The following SLC35F1 variants were observed in gnomAD, a reference collection of about 807,000 sequenced individuals.
SLC35F1 encodes solute carrier family 35 member F1.
A neutral mutation model predicts 48.7 loss-of-function variants in SLC35F1; 14 were observed. The ratio of observed to expected loss-of-function variants is 0.29; its 90% CI spans 0.19 to 0.45. The LOEUF (loss-of-function observed/expected upper bound fraction) is 0.45. SLC35F1 is among the 20% of genes least tolerant of loss of function. The pLI is 1.00. For synonymous variants in SLC35F1, 190 were observed against 202.2 expected, an observed-to-expected ratio of 0.94 and a Z score of 0.51; for missense variants, 404 against 500.0, an observed-to-expected ratio of 0.81 and a Z score of 1.83.
intron 1 of SLC35F1, among the ~76,000 whole-genome samples, chr6:118,012,631 T>C (rs369178224): frequency 6.6e-6 from 1 of 152,196 alleles, no homozygotes; most frequent in African/African-American, 2.4e-5. Context: ...TGCTTCACTT[T>C]ATTTGCTTTC....
chr6:118,286,889 G>A (rs752287697), intron 7 of SLC35F1, among the ~76,000 whole-genome samples: 4 of 151,804 alleles, frequency 2.6e-5, no homozygotes, highest in Admixed American at 6.6e-5. Context: ...TCATCACCAT[G>A]CTGTATGTTA....
At chr6:117,923,902 A>ATG (rs768387646) in intron 1 of SLC35F1, among the ~76,000 whole-genome samples, 11 of 149,842 alleles carry the variant, frequency 7.3e-5, no homozygotes, top group Non-Finnish European at 1.5e-4. Flanking sequence ...ATACACATAT[A>ATG]TGTGTGTGTA....
intron 7 of SLC35F1, among the ~76,000 whole-genome samples, chr6:118,293,191 C>T (rs948624165): frequency 1.3e-5 from 2 of 152,142 alleles, no homozygotes; most frequent in African/African-American, 4.8e-5. Flanking sequence ...AACAAATTAC[C>T]ACAAATTTAG....
chr6:118,024,844 T>C (rs1239908931), intron 1 of SLC35F1, among the ~76,000 whole-genome samples: 1 of 152,170 alleles, frequency 6.6e-6, no homozygotes, highest in East Asian at 1.9e-4. Flanking sequence ...TCTTTATCTA[T>C]AGGGAGAATC....
chr6:118,256,979 G>T lies in SLC35F1; in HGVS notation c.478-10016G>T, dbSNP rs75186614. 4.0e-3 allele frequency among the ~76,000 whole-genome samples: 614 copies of T among 152,154 alleles called. 3 individuals carry two copies. The highest frequency in any genetic ancestry group is 0.014 in the African/African-American group (578 of 41,500). ...ATTTTCTCCATCCAGAAATTTTTAT[G>T]CCTAATACTATGATATGTAGATGTG... On this transcript the variant is annotated intron_variant, in intron 3 of 7. Transcript: ENST00000360388.
At chr6:118,256,787 A>T (rs1222296901) in intron 3 of SLC35F1, among the ~76,000 whole-genome samples, 3 of 152,172 alleles carry the variant, frequency 2.0e-5, no homozygotes, top group African/African-American at 7.2e-5. Context: ...TAAACCCATC[A>T]TAAGTTGAAA....
chr6:118,119,494 G>GCCA (rs1773522154), intron 1 of SLC35F1, among the ~76,000 whole-genome samples: 1 of 52,192 alleles, frequency 1.9e-5, no homozygotes, highest in Non-Finnish European at 4.1e-5. Context: ...AATAACCGGC[G>GCCA]CCCCCCCTCC....
chr6:117,933,941 C>A (rs999494162), intron 1 of SLC35F1, among the ~76,000 whole-genome samples: 1 of 151,930 alleles, frequency 6.6e-6, no homozygotes, highest in Non-Finnish European at 1.5e-5. Flanking sequence ...AAAGTGGAAT[C>A]AGTGGACCAC....
At chr6:118,043,997 G>A (rs539823861) in intron 1 of SLC35F1, among the ~76,000 whole-genome samples, 115 of 152,304 alleles carry the variant, frequency 7.6e-4, no homozygotes, top group African/African-American at 2.7e-3. Context: ...AAGGCAAAAG[G>A]GACTGCCAAC....
At chr6:118,235,465 T>C (rs9489326) in intron 2 of SLC35F1, 44 bp from the exon 3 acceptor site, 846,225 of 1,556,788 alleles carry the variant, frequency 0.54, 235,244 homozygotes, top group Non-Finnish European at 0.57. Flanking sequence ...CAATTTATTC[T>C]ATTTCAGGAA....
At chr6:118,072,424 C>T (rs188844496) in intron 1 of SLC35F1, among the ~76,000 whole-genome samples, 1 of 152,112 alleles carries the variant, frequency 6.6e-6, no homozygotes, top group East Asian at 1.9e-4. Flanking sequence ...ATTAGCCAGG[C>T]GTGGTGGCAG....
At chr6:118,311,471 C>A (rs1029705543) in intron 7 of SLC35F1, among the ~76,000 whole-genome samples, 4 of 152,158 alleles carry the variant, frequency 2.6e-5, no homozygotes, top group African/African-American at 9.7e-5. Flanking sequence ...CAAAACACAA[C>A]CTCATAATCA....
intron 1 of SLC35F1, among the ~76,000 whole-genome samples, chr6:118,086,318 C>T (rs956155648): frequency 1.3e-5 from 2 of 152,166 alleles, no homozygotes; most frequent in Non-Finnish European, 2.9e-5. Context: ...TATTGTCTAC[C>T]TCTTCCACTT....
intron 4 of SLC35F1, among the ~76,000 whole-genome samples, chr6:118,269,250 T>C (rs970277685): frequency 1.6e-4 from 25 of 152,186 alleles, no homozygotes; most frequent in Non-Finnish European, 7.4e-5. Flanking sequence ...AAAAAAACAA[T>C]GTAGATGTGG....
At chr6:117,980,449 A>T (rs1284865671) in intron 1 of SLC35F1, among the ~76,000 whole-genome samples, 2 of 152,216 alleles carry the variant, frequency 1.3e-5, no homozygotes, top group African/African-American at 4.8e-5. Context: ...GAGGTGCCTG[A>T]CTAATTCAAA....
rs148722516 is a variant in SLC35F1 at position 118,098,569 on chromosome 6, G to C, written c.174-55876G>C. On this transcript the variant is annotated intron_variant, in intron 1 of 7. Transcript: ENST00000360388. The stretch of plus-strand genomic sequence containing the variant: ...TTCTTTGTACCTCTGAAGACTTTTT[G>C]CATCTTCCTTGGCTCCTGTCTTATG... 6.6e-4 allele frequency among the ~76,000 whole-genome samples: 101 copies of C among 152,192 alleles called. 1 individual carries two copies. In the Middle Eastern group the frequency reaches 0.014, roughly 21 times the overall value.
chr6:118,280,601 G>T (rs963016652), intron 6 of SLC35F1, among the ~76,000 whole-genome samples: 4 of 152,250 alleles, frequency 2.6e-5, no homozygotes, highest in Admixed American at 2.0e-4. Flanking sequence ...TTCCTGGCCA[G>T]GTGCAGTGGC....
chr6:118,141,480 TTATAAACAACAGAAACC>T, intron 1 of SLC35F1, among the ~76,000 whole-genome samples: 1 of 152,184 alleles, frequency 6.6e-6, no homozygotes, highest in African/African-American at 2.4e-5. Flanking sequence ...ACTGGGTGGC[TTATAAACAACAGAAACC>T]TATTTCTTAC....
At chr6:117,971,857 TC>T (rs1383226243) in intron 1 of SLC35F1, among the ~76,000 whole-genome samples, 1 of 152,192 alleles carries the variant, frequency 6.6e-6, no homozygotes, top group Non-Finnish European at 1.5e-5. Context: ...CATTTTTCCC[TC>T]CTAGGCCTCC....
Sources: allele counts gnomAD v4.1 joint callset (sites outside exome capture counted in the v4.1 genomes callset), GRCh38; gene constraint gnomAD v4.1.1; transcripts MANE v1.5; gene names NCBI Gene and HGNC (gene_info 2026-07-23, HGNC 2026-07-21).